Variants in ANKRD26 observed in about 807,000 individuals in gnomAD.
The protein encoded by ANKRD26 is ankyrin repeat domain 26.
ANKRD26 carries 141 observed loss-of-function variants against 208.7 expected under a neutral mutation model. That is an observed-to-expected ratio of 0.68 (90% confidence interval 0.59 to 0.78). The LOEUF (loss-of-function observed/expected upper bound fraction) is 0.78. Ranked by LOEUF, ANKRD26 falls within the 30% of genes least tolerant of loss-of-function variation. The pLI is 0.00. For missense variants in ANKRD26, 1,889 were observed against 1,938.7 expected, an observed-to-expected ratio of 0.97 and a Z score of 0.48; for synonymous variants, 636 against 660.4, an observed-to-expected ratio of 0.96 and a Z score of 0.57.
downstream of ANKRD26, among the ~76,000 whole-genome samples, chr10:27,000,757 A>G (rs1334441550): frequency 6.6e-6 from 1 of 152,138 alleles, no homozygotes. Flanking sequence ...TAATCCCAGC[A>G]CTTTGGGAGG....
intron 1 of ANKRD26, among the ~76,000 whole-genome samples, chr10:27,095,000 CAAAAAAA>C (rs752989150): frequency 1.0e-5 from 1 of 97,668 alleles, no homozygotes; most frequent in Non-Finnish European, 2.3e-5. Flanking sequence ...ACCCTGTCTA[CAAAAAAA>C]AAAAAAAAAT....
At chr10:27,060,476 C>G in intron 14 of ANKRD26, 36 bp downstream of exon 14, 1 of 1,558,432 alleles carries the variant, frequency 6.4e-7, no homozygotes, top group Non-Finnish European at 8.8e-7. Context: ...ACAATATGCA[C>G]TTAATAATTC....
At chr10:27,011,603 C>G (rs931680056) in intron 32 of ANKRD26, among the ~76,000 whole-genome samples, 1 of 151,986 alleles carries the variant, frequency 6.6e-6, no homozygotes, top group African/African-American at 2.4e-5. Flanking sequence ...TGAGTGAAAT[C>G]GTAAGGCTGG....
chr10:26,978,040 A>G (rs1168228984), intron 5 of ANKRD26, among the ~76,000 whole-genome samples: 1 of 152,222 alleles, frequency 6.6e-6, no homozygotes, highest in East Asian at 1.9e-4. Flanking sequence ...GCATGCCTGA[A>G]TAAGACCTGT....
chr10:26,990,117 C>T (rs2052459756), downstream of ANKRD26, among the ~76,000 whole-genome samples: 1 of 152,146 alleles, frequency 6.6e-6, no homozygotes, highest in African/African-American at 2.4e-5. Context: ...ATTTTCCATC[C>T]TAGTTCCCAG....
chr10:26,959,870 C>T, the ANKRD26 span, among the ~76,000 whole-genome samples: 2 of 152,104 alleles, frequency 1.3e-5, no homozygotes, highest in Non-Finnish European at 2.9e-5. Context: ...TAACTTATAA[C>T]TTAGTAAAGA....
rs1589195333 is a variant in ANKRD26, at chr10:27,005,302, C to T, written c.*288G>A. 9.2e-7 allele frequency: 1 copy of T among 1,089,784 alleles called. No homozygotes were observed. The highest frequency in any genetic ancestry group is 1.1e-6 in the Non-Finnish European group (1 of 894,340). The allele number at this position is 1,089,784 out of a possible 1,614,324, so 67.5% of individuals were successfully genotyped here. A position where few individuals can be genotyped will look rare whatever the true frequency, so the allele number is the denominator to read the frequency against. ...TAAAAATTACAAAATACAAATAAGC[C>T]ATCAATTAACTGCACTAAAGTATTA... On this transcript the variant is annotated 3_prime_UTR_variant, in exon 34 of 34. Transcript: ENST00000376087.
chr10:27,058,589 T>TTTC (rs926289901), intron 15 of ANKRD26, among the ~76,000 whole-genome samples: 2 of 152,128 alleles, frequency 1.3e-5, no homozygotes, highest in Non-Finnish European at 2.9e-5. Context: ...ATGATTTTTT[T>TTTC]TTTTTTCAGA....
intron 12 of ANKRD26, among the ~76,000 whole-genome samples, chr10:27,063,660 T>C (rs2135467623): frequency 6.6e-6 from 1 of 152,296 alleles, no homozygotes; most frequent in Middle Eastern, 3.4e-3. Flanking sequence ...TACATACACT[T>C]GCTTCTTTGC....
chr10:27,030,685 T>C (rs2053836599), intron 25 of ANKRD26: 2 of 743,748 alleles, frequency 2.7e-6, no homozygotes, highest in Admixed American at 6.3e-5. Context: ...CTTTACTAGA[T>C]TAAGTGGTTT....
downstream of ANKRD26, among the ~76,000 whole-genome samples, chr10:26,989,980 G>T (rs994798055): frequency 6.6e-6 from 1 of 152,098 alleles, no homozygotes; most frequent in Non-Finnish European, 1.5e-5. Flanking sequence ...GAGAGTTCTC[G>T]GTTAGCATAT....
intron 4 of ANKRD26, among the ~76,000 whole-genome samples, chr10:26,996,161 C>A (rs56969785): frequency 0.072 from 10,888 of 152,206 alleles, 648 homozygotes; most frequent in Admixed American, 0.14. Flanking sequence ...CAAATCTCCA[C>A]CCTCAGCCCA....
chr10:26,973,682 C>G (rs1354854634), downstream of ANKRD26, among the ~76,000 whole-genome samples: 6 of 93,240 alleles, frequency 6.4e-5, no homozygotes, highest in African/African-American at 2.2e-4. Flanking sequence ...GAGGCAGAGT[C>G]TCTTTCTGTC....
chr10:27,081,895 C>G (rs1374352540), intron 6 of ANKRD26, among the ~76,000 whole-genome samples: 1 of 151,850 alleles, frequency 6.6e-6, no homozygotes, highest in Non-Finnish European at 1.5e-5. Flanking sequence ...CGCCACCACG[C>G]CTGGCTAATT....
the ANKRD26 span, among the ~76,000 whole-genome samples, chr10:26,949,502 T>TTA: frequency 6.6e-4 from 101 of 151,940 alleles, no homozygotes; most frequent in African/African-American, 2.3e-3. Flanking sequence ...TTAATTAATT[T>TTA]ATTTATTAAT....
At chr10:27,031,821 A>G (rs1177122508) in intron 25 of ANKRD26, among the ~76,000 whole-genome samples, 2 of 152,206 alleles carry the variant, frequency 1.3e-5, no homozygotes, top group Non-Finnish European at 2.9e-5. Context: ...TTTATAATAT[A>G]TTTTAAATGA....
intron 2 of ANKRD26, 71 bp from the exon 3 acceptor site, chr10:27,093,593 C>G: frequency 6.3e-7 from 1 of 1,597,688 alleles, no homozygotes; most frequent in Non-Finnish European, 8.6e-7. Context: ...CAGGTTTCAC[C>G]AATTAGTTAT....
chr10:27,027,110 A>G (rs540937021), intron 27 of ANKRD26, among the ~76,000 whole-genome samples: 17 of 152,360 alleles, frequency 1.1e-4, no homozygotes, highest in African/African-American at 3.6e-4. Context: ...ACTGATGAAC[A>G]CAGATAAATG....
At chr10:26,959,375 C>T in the ANKRD26 span, among the ~76,000 whole-genome samples, 1 of 151,414 alleles carries the variant, frequency 6.6e-6, no homozygotes, top group East Asian at 1.9e-4. Context: ...ATGACAATAT[C>T]AAAAGGAATT....
Sources: allele counts gnomAD v4.1 joint callset (sites outside exome capture counted in the v4.1 genomes callset), GRCh38; gene constraint gnomAD v4.1.1; transcripts MANE v1.5; gene names NCBI Gene and HGNC (gene_info 2026-07-23, HGNC 2026-07-21).